The following EIF4G3 variants were observed in gnomAD, a reference collection of about 807,000 sequenced individuals.
EIF4G3 encodes the protein eukaryotic translation initiation factor 4 gamma 3.
Under a neutral mutation model 186.4 loss-of-function variants are expected in EIF4G3, and 34 were observed. The observed-to-expected ratio is 0.18, with a 90% confidence interval of 0.14 to 0.24. The LOEUF is 0.24. EIF4G3 is among the 10% of genes least tolerant of loss of function. The pLI, the probability that EIF4G3 is intolerant of heterozygous loss-of-function variation, is 1.00. For missense variants in EIF4G3, 1,536 were observed against 1,948.5 expected (o/e 0.79, Z 3.99); for synonymous variants, 673 against 679.5 (o/e 0.99, Z 0.15).
chr1:20,930,112 T>C (rs1435136490), intron 14 of EIF4G3, among the ~76,000 whole-genome samples: 2 of 152,194 alleles, frequency 1.3e-5, no homozygotes, highest in Non-Finnish European at 2.9e-5. Context: ...ACTTTATTGC[T>C]AAAAAATACT....
intron 3 of EIF4G3, among the ~76,000 whole-genome samples, chr1:21,081,024 G>A (rs1298701189): frequency 6.6e-6 from 1 of 152,162 alleles, no homozygotes; most frequent in Non-Finnish European, 1.5e-5. Context: ...ATACTGCAGA[G>A]GCAGGCCAAT....
chr1:21,145,274 A>G (rs891304709), intron 2 of EIF4G3, among the ~76,000 whole-genome samples: 2 of 152,144 alleles, frequency 1.3e-5, no homozygotes, highest in African/African-American at 4.8e-5. Context: ...GAGAATTGCC[A>G]AAGATGACAT....
rs185961565 is a variant in EIF4G3, at chr1:20,987,028, T to C, written c.178-4620A>G. Among the ~76,000 whole-genome samples the C allele has an allele frequency of 1.8e-4, 27 of 152,288 alleles. 1 individual carries two copies. In the East Asian group the frequency reaches 4.4e-3, roughly 25 times the overall value. On this transcript the variant is annotated intron_variant, in intron 7 of 36. Coordinates refer to ENST00000602326, the MANE Select transcript of EIF4G3 (RefSeq NM_001391906.1). Reference sequence around the variant, plus strand: ...ATACTTTTAAAACAGAGGCTGAACTTAGCATACTTATAATTGCTTACTTTC... The same window carrying C: ...ATACTTTTAAAACAGAGGCTGAACTCAGCATACTTATAATTGCTTACTTTC...
At chr1:20,811,173 C>T (rs1046600069) in intron 35 of EIF4G3, among the ~76,000 whole-genome samples, 7 of 151,718 alleles carry the variant, frequency 4.6e-5, no homozygotes, top group Non-Finnish European at 1.0e-4. Context: ...AGACTTGTCT[C>T]GAACTCCTGA....
rs767011350 is a variant in EIF4G3, at chr1:21,176,243, CGCCGCCGCCGCCGCCGCCGCCGCTGCT to C, written c.-367_-341del. ...GAGGGGGGACCGCTGCCGCCGCCGC[CGCCGCCGCCGCCGCCGCCGCCGCTGCT>C]GCCGCCGCCGGGTGAGGAGGCGGTA... is the stretch of plus-strand genomic sequence containing the variant. On this transcript the variant is annotated 5_prime_UTR_variant, in exon 2 of 37. Transcript: ENST00000602326. 14 of 370,406 alleles carry C rather than the reference CGCCGCCGCCGCCGCCGCCGCCGCTGCT, an allele frequency of 3.8e-5. 2 individuals carry two copies. The highest frequency in any genetic ancestry group is 1.8e-4 in the South Asian group (2 of 11,366). The allele number at this position is 370,406 out of a possible 1,614,324, so 22.9% of individuals were successfully genotyped here.
At chr1:21,132,491 T>C (rs2097170376) in intron 2 of EIF4G3, among the ~76,000 whole-genome samples, 1 of 152,202 alleles carries the variant, frequency 6.6e-6, no homozygotes, top group African/African-American at 2.4e-5. Flanking sequence ...TCACCCAGGC[T>C]AGAGTGCAGT....
At chr1:21,026,763 A>T (rs1175769430) in intron 4 of EIF4G3, among the ~76,000 whole-genome samples, 1 of 152,058 alleles carries the variant, frequency 6.6e-6, no homozygotes, top group Non-Finnish European at 1.5e-5. Context: ...CAACCTGACC[A>T]TCATGGCAAA....
chr1:20,992,300 C>T (rs918024409), intron 7 of EIF4G3, among the ~76,000 whole-genome samples: 1 of 152,194 alleles, frequency 6.6e-6, no homozygotes, highest in Non-Finnish European at 1.5e-5. Flanking sequence ...ATTTATTTTA[C>T]TTTCCAAATC....
chr1:21,139,783 C>T (rs2097307536), intron 2 of EIF4G3, among the ~76,000 whole-genome samples: 1 of 152,058 alleles, frequency 6.6e-6, no homozygotes. Flanking sequence ...AAAAGACAGC[C>T]CTGAACACCT....
chr1:20,981,994 G>A (rs1195046978), intron 8 of EIF4G3, among the ~76,000 whole-genome samples: 1 of 152,144 alleles, frequency 6.6e-6, no homozygotes, highest in East Asian at 1.9e-4. Context: ...AGAAGAACAA[G>A]GAATCTCTTT....
chr1:21,103,510 T>A (rs1032526384), intron 2 of EIF4G3, among the ~76,000 whole-genome samples: 6 of 152,094 alleles, frequency 3.9e-5, no homozygotes, highest in Non-Finnish European at 7.4e-5. Flanking sequence ...GAGGATAAAC[T>A]TACAGCAGTG....
intron 3 of EIF4G3, among the ~76,000 whole-genome samples, chr1:21,069,265 C>T (rs1270041311): frequency 6.6e-6 from 1 of 152,068 alleles, no homozygotes. Context: ...TTTAACCATG[C>T]TTCACTCCTC....
At chr1:20,861,257 G>A (rs1033568971) in intron 23 of EIF4G3, among the ~76,000 whole-genome samples, 2 of 152,330 alleles carry the variant, frequency 1.3e-5, no homozygotes, top group Admixed American at 1.3e-4. Context: ...TTTCTCTAGT[G>A]TAGGGCTTGA....
chr1:21,114,432 G>A (rs1201712125), intron 2 of EIF4G3, among the ~76,000 whole-genome samples: 2 of 152,144 alleles, frequency 1.3e-5, no homozygotes, highest in Admixed American at 6.5e-5. Context: ...CCCGGCCCTT[G>A]AAAGCTGTAA....
At chr1:20,968,487 T>C (rs769714607) in intron 12 of EIF4G3, among the ~76,000 whole-genome samples, 1 of 152,160 alleles carries the variant, frequency 6.6e-6, no homozygotes, top group African/African-American at 2.4e-5. Flanking sequence ...GGCCTTGAAA[T>C]ACAAATCTTG....
chr1:21,121,717 G>A (rs2096927910), intron 2 of EIF4G3, among the ~76,000 whole-genome samples: 2 of 151,636 alleles, frequency 1.3e-5, no homozygotes, highest in South Asian at 2.1e-4. Context: ...GGAGGTTGCA[G>A]TGAGCCAAGA....
intron 4 of EIF4G3, among the ~76,000 whole-genome samples, chr1:21,011,530 T>C (rs1032929065): frequency 1.4e-4 from 22 of 152,158 alleles, no homozygotes; most frequent in African/African-American, 4.8e-4. Context: ...TGCATGCACA[T>C]CTGTGTGTAT....
intron 6 of EIF4G3, chr1:20,998,891 T>C: frequency 2.6e-6 from 1 of 390,980 alleles, no homozygotes. Context: ...TTTGGCTCTC[T>C]TATTTCCTCT....
At chr1:20,873,064 C>T (rs1339425944) in intron 20 of EIF4G3, among the ~76,000 whole-genome samples, 2 of 152,142 alleles carry the variant, frequency 1.3e-5, no homozygotes, top group African/African-American at 2.4e-5. Context: ...AGAAAACATG[C>T]AACCTTTAAC....
Sources: gnomAD v4.1 joint callset for allele counts (sites outside exome capture counted in the v4.1 genomes callset) on GRCh38, gnomAD v4.1.1 for gene constraint, MANE v1.5 for transcripts, NCBI Gene and HGNC (gene_info 2026-07-23, HGNC 2026-07-21) for gene names.